Variants in HCRTR2 observed in about 807,000 individuals in gnomAD.
The protein encoded by HCRTR2 is hypocretin receptor 2.
A neutral mutation model predicts 49.0 loss-of-function variants in HCRTR2; 22 were observed. That is an observed-to-expected ratio of 0.45 (90% CI 0.32 to 0.64). The LOEUF is 0.64. Ranked by LOEUF, HCRTR2 falls within the 30% of genes least tolerant of loss-of-function variation. The probability of loss-of-function intolerance (pLI) is 0.04; values close to 1 mark genes in which losing one functional copy is unlikely to be tolerated. For missense variants in HCRTR2, 491 were observed against 559.4 expected (o/e 0.88, Z 1.23); for synonymous variants, 236 against 205.3 (o/e 1.15, Z -1.28).
intron 1 of HCRTR2, among the ~76,000 whole-genome samples, chr6:55,175,318 A>T (rs1418883131): frequency 1.3e-5 from 2 of 152,162 alleles, no homozygotes; most frequent in African/African-American, 4.8e-5. Context: ...GAGGAGGTTT[A>T]GTCTCCAGTC....
intron 5 of HCRTR2, among the ~76,000 whole-genome samples, chr6:55,278,272 T>G (rs374690768): frequency 1.4e-4 from 21 of 152,332 alleles, no homozygotes; most frequent in African/African-American, 5.0e-4. Context: ...GAGGCAGTGG[T>G]ACACACTAAA....
intron 1 of HCRTR2, among the ~76,000 whole-genome samples, chr6:55,231,083 T>G (rs1204508066): frequency 6.6e-6 from 1 of 152,160 alleles, no homozygotes; most frequent in Admixed American, 6.6e-5. Flanking sequence ...CTAGGAAAGA[T>G]ACACAGTTTT....
chr6:55,189,401 C>T (rs3006850), intron 1 of HCRTR2, among the ~76,000 whole-genome samples: 152,045 of 152,318 alleles, frequency 1, 75,887 homozygotes, highest in Non-Finnish European at 1. Context: ...ATGAAACAAA[C>T]ATGAGAGGCA....
At chr6:55,230,102 A>G (rs560174631) in intron 1 of HCRTR2, among the ~76,000 whole-genome samples, 6 of 152,186 alleles carry the variant, frequency 3.9e-5, no homozygotes, top group Non-Finnish European at 7.3e-5. Flanking sequence ...TGCCTTAATT[A>G]TAGTTTACTG....
Position 55,226,748 on chromosome 6 carries a change from C to T in HCRTR2, c.224-21891C>T, listed in dbSNP as rs3122165. Among the ~76,000 whole-genome samples the T allele has an allele frequency of 5.1e-4, 62 of 120,478 alleles. No individual in the cohort carries two copies. The East Asian group carries it at 7.0e-3, about 14-fold the overall frequency. The allele number at this position is 120,478 out of a possible 152,430, so 79.0% of individuals were successfully genotyped here. A position where few individuals can be genotyped will look rare whatever the true frequency, so the allele number is the denominator to read the frequency against. Reference sequence around the variant, plus strand: ...TTTTTTTTTTTTTGAGACAGAGTCTCGCTCTGTCGCCCAGGCCTGGAGTGC... The same window carrying T: ...TTTTTTTTTTTTTGAGACAGAGTCTTGCTCTGTCGCCCAGGCCTGGAGTGC... On this transcript the variant is annotated intron_variant, in intron 1 of 6. Transcript: ENST00000370862.
chr6:55,275,208 T>G (rs1218543663), intron 4 of HCRTR2, among the ~76,000 whole-genome samples: 1 of 152,190 alleles, frequency 6.6e-6, no homozygotes, highest in East Asian at 1.9e-4. Flanking sequence ...TGGTAATACA[T>G]TTTTCAGGGT....
chr6:55,191,655 CA>C (rs1293947043), intron 1 of HCRTR2, among the ~76,000 whole-genome samples: 1 of 151,728 alleles, frequency 6.6e-6, no homozygotes, highest in African/African-American at 2.4e-5. Flanking sequence ...AGTCTAAAAA[CA>C]AAAACAAAAA....
chr6:55,190,079 T>G (rs1417688654), intron 1 of HCRTR2, among the ~76,000 whole-genome samples: 2 of 152,090 alleles, frequency 1.3e-5, no homozygotes, highest in Non-Finnish European at 2.9e-5. Context: ...TGTGAAAATG[T>G]TTTAGAAAAT....
rs138928714 is a variant in HCRTR2, at chr6:55,152,773, C to T, written c.-377-21438C>T. Among the ~76,000 whole-genome samples, 732 of 152,042 alleles carry T rather than the reference C, an allele frequency of 4.8e-3. 8 individuals are homozygous for T. Among genetic ancestry groups the T allele is most frequent in the African/African-American group, 0.016 (663 of 41,506 alleles). On this transcript the variant is annotated intron_variant, in intron 1 of 7. Transcript: ENST00000615358. ...GGCCTCACTTTCTAGTATCATCACA[C>T]GGGCAATTAGCATTTCAACATGTGA...
chr6:55,152,975 T>TA, intron 1 of HCRTR2, among the ~76,000 whole-genome samples: 1 of 152,178 alleles, frequency 6.6e-6, no homozygotes, highest in Admixed American at 6.6e-5. Context: ...GAGCCAATGT[T>TA]AAAGTTTTTC....
intron 3 of HCRTR2, among the ~76,000 whole-genome samples, chr6:55,262,499 T>C (rs1382021836): frequency 7.6e-6 from 1 of 131,532 alleles, no homozygotes; most frequent in African/African-American, 2.8e-5. Flanking sequence ...TATTATTATA[T>C]ATTATAATAT....
intron 1 of HCRTR2, among the ~76,000 whole-genome samples, chr6:55,155,154 C>T (rs1764714102): frequency 6.6e-6 from 1 of 151,516 alleles, no homozygotes; most frequent in Admixed American, 6.6e-5. Context: ...CTACCCAAAA[C>T]AACCTGTAGA....
At chr6:55,140,159 C>T (rs1764487651) in intron 1 of HCRTR2, among the ~76,000 whole-genome samples, 2 of 81,484 alleles carry the variant, frequency 2.5e-5, no homozygotes, top group Non-Finnish European at 7.1e-5. Context: ...TTTAATCTGA[C>T]CCTTTTTTTA....
chr6:55,253,568 A>G (rs910280635), intron 2 of HCRTR2, among the ~76,000 whole-genome samples: 4 of 152,202 alleles, frequency 2.6e-5, no homozygotes, highest in Admixed American at 2.0e-4. Flanking sequence ...TTTTAAAGAC[A>G]CATGCAAGTA....
At chr6:55,238,834 G>A (rs577898146) in intron 1 of HCRTR2, among the ~76,000 whole-genome samples, 1 of 152,322 alleles carries the variant, frequency 6.6e-6, no homozygotes, top group Middle Eastern at 3.4e-3. Context: ...TGCGGTGAAA[G>A]AGAAAAGCAT....
chr6:55,226,711 G>GTTTTTTTTTTTTTTTTTTTTTTTTTTTTT (rs777871106), intron 1 of HCRTR2, among the ~76,000 whole-genome samples: 3 of 74,256 alleles, frequency 4.0e-5, no homozygotes, highest in African/African-American at 1.2e-4. Flanking sequence ...AATTCCAGGT[G>GTTTTTTTTTTTTTTTTTTTTTTTTTTTTT]TTTTTTTTTT....
intron 1 of HCRTR2, among the ~76,000 whole-genome samples, chr6:55,140,336 T>G (rs1472644622): frequency 6.6e-6 from 1 of 152,158 alleles, no homozygotes; most frequent in Non-Finnish European, 1.5e-5. Context: ...TCCTTGTGAG[T>G]TTTAGTCTAT....
chr6:55,184,925 G>C (rs571050642), intron 1 of HCRTR2, among the ~76,000 whole-genome samples: 15 of 152,228 alleles, frequency 9.9e-5, no homozygotes, highest in South Asian at 4.1e-4. Flanking sequence ...CATCAATTCG[G>C]AATGAATTTG....
chr6:55,259,136 T>G (rs939540688), intron 3 of HCRTR2, among the ~76,000 whole-genome samples: 1 of 152,098 alleles, frequency 6.6e-6, no homozygotes, highest in African/African-American at 2.4e-5. Context: ...TTAATTAGCA[T>G]GTACCCTTGG....
Sources: gnomAD v4.1 joint callset for allele counts (sites outside exome capture counted in the v4.1 genomes callset) on GRCh38, gnomAD v4.1.1 for gene constraint, MANE v1.5 for transcripts, NCBI Gene and HGNC (gene_info 2026-07-23, HGNC 2026-07-21) for gene names.